Variants in EXOC6B observed in about 807,000 individuals in gnomAD.
EXOC6B encodes SEC15 homolog B.
A neutral mutation model predicts 113.5 loss-of-function variants in EXOC6B; 54 were observed. The ratio of observed to expected loss-of-function variants is 0.48; its 90% CI spans 0.38 to 0.60. EXOC6B has a LOEUF of 0.60. Ranked by LOEUF, EXOC6B falls within the 20% of genes least tolerant of loss-of-function variation. The pLI is 0.00. For synonymous variants in EXOC6B, 357 were observed against 339.0 expected (o/e 1.05, Z -0.58); for missense variants, 797 against 977.5 (o/e 0.82, Z 2.46).
intron 19 of EXOC6B, among the ~76,000 whole-genome samples, chr2:72,357,156 A>C (rs778176209): frequency 1.3e-5 from 2 of 152,236 alleles, no homozygotes; most frequent in Non-Finnish European, 2.9e-5. Flanking sequence ...ATGAAGGGTA[A>C]GTATAGTACA....
chr2:72,394,612 ACTC>A (rs1692606756), intron 18 of EXOC6B, among the ~76,000 whole-genome samples: 1 of 152,100 alleles, frequency 6.6e-6, no homozygotes, highest in Admixed American at 6.5e-5. Flanking sequence ...TCTTTCCTCA[ACTC>A]CTGTTCAGGT....
At chr2:72,471,315 T>G in intron 17 of EXOC6B, among the ~76,000 whole-genome samples, 1 of 152,056 alleles carries the variant, frequency 6.6e-6, no homozygotes, top group East Asian at 1.9e-4. Flanking sequence ...GATGGGGTTG[T>G]TTTTTTCTTG....
At chr2:72,800,752 A>T (rs1685230492) in intron 1 of EXOC6B, among the ~76,000 whole-genome samples, 1 of 152,204 alleles carries the variant, frequency 6.6e-6, no homozygotes, top group South Asian at 2.1e-4. Flanking sequence ...TTGGACTCTT[A>T]ACTACTACAC....
intron 19 of EXOC6B, among the ~76,000 whole-genome samples, chr2:72,360,043 C>A (rs572575246): frequency 6.6e-6 from 1 of 152,158 alleles, no homozygotes; most frequent in East Asian, 1.9e-4. Context: ...GCTTGCAGAA[C>A]CATGAGCCAA....
intron 1 of EXOC6B, among the ~76,000 whole-genome samples, chr2:72,789,066 G>A (rs1295478552): frequency 1.3e-5 from 2 of 152,150 alleles, no homozygotes; most frequent in Non-Finnish European, 2.9e-5. Context: ...TAAAAACACT[G>A]ATGTGGTGGA....
At chr2:72,601,276 G>A (rs530162663) in intron 6 of EXOC6B, among the ~76,000 whole-genome samples, 9 of 151,870 alleles carry the variant, frequency 5.9e-5, no homozygotes, top group South Asian at 2.1e-4. Flanking sequence ...TCCACCTCCC[G>A]GGTTCACACC....
At chr2:72,537,498 G>A (rs1702364120) in intron 8 of EXOC6B, among the ~76,000 whole-genome samples, 1 of 151,414 alleles carries the variant, frequency 6.6e-6, no homozygotes, top group African/African-American at 2.4e-5. Context: ...AGGCATGGTG[G>A]CACGTGCCTA....
chr2:72,772,944 T>G (rs1050019100), intron 1 of EXOC6B, among the ~76,000 whole-genome samples: 1 of 151,884 alleles, frequency 6.6e-6, no homozygotes, highest in Admixed American at 6.6e-5. Context: ...CCTAAAGAAA[T>G]GAAGATCTAC....
chr2:72,602,478 C>A (rs567298647), intron 6 of EXOC6B, among the ~76,000 whole-genome samples: 5 of 152,092 alleles, frequency 3.3e-5, no homozygotes, highest in African/African-American at 1.2e-4. Context: ...ATAGACCAAC[C>A]AAGTTGACAG....
At chr2:72,474,697 T>G (rs1573208338) in intron 17 of EXOC6B, among the ~76,000 whole-genome samples, 1 of 152,278 alleles carries the variant, frequency 6.6e-6, no homozygotes, top group East Asian at 1.9e-4. Context: ...TGCAGAATTC[T>G]CATGTTTCTC....
intron 9 of EXOC6B, 91 bp downstream of exon 9, chr2:72,514,952 C>G (rs1701138528): frequency 2.0e-6 from 2 of 997,670 alleles, no homozygotes; most frequent in Admixed American, 2.9e-5. Context: ...CACACACACA[C>G]AGACACACAC....
At chr2:72,292,211 G>A (rs1472210176) in intron 20 of EXOC6B, among the ~76,000 whole-genome samples, 2 of 136,776 alleles carry the variant, frequency 1.5e-5, no homozygotes, top group African/African-American at 5.8e-5. Flanking sequence ...GTGTGTGTGT[G>A]TACCTTATAA....
intron 5 of EXOC6B, among the ~76,000 whole-genome samples, chr2:72,724,215 T>C (rs1459914498): frequency 2.0e-5 from 3 of 151,188 alleles, no homozygotes; most frequent in African/African-American, 7.3e-5. Flanking sequence ...AGGGAGAGAG[T>C]GGGAGACCAG....
intron 6 of EXOC6B, among the ~76,000 whole-genome samples, chr2:72,631,194 A>G (rs1672368832): frequency 3.7e-5 from 1 of 27,272 alleles, no homozygotes; most frequent in African/African-American, 4.6e-5. Flanking sequence ...AAGTGTGCAT[A>G]TATATATATA....
intron 7 of EXOC6B, among the ~76,000 whole-genome samples, chr2:72,562,704 G>T (rs1265992886): frequency 6.6e-6 from 1 of 152,104 alleles, no homozygotes; most frequent in Non-Finnish European, 1.5e-5. Context: ...ATAACTTTGT[G>T]GTAGGACGTT....
rs1432867493 is a variant in EXOC6B at position 72,601,118 on chromosome 2, GTGTGTA to G, written c.670-25456_670-25451del. Among the ~76,000 whole-genome samples, 764 of 108,284 alleles carry G rather than the reference GTGTGTA, an allele frequency of 7.1e-3. 14 individuals carry two copies. The East Asian group carries it at 0.1, about 15-fold the overall frequency. 71.0% of individuals were successfully genotyped at this position (108,284 alleles called of 152,430 possible). On this transcript the variant is annotated intron_variant, in intron 6 of 21. Transcript: ENST00000272427. ...TATGGCTACATATATATATATGTGTGTGTGTATGTGTGTGTGTGTGTGTGTGTGTGT... is the reference window on the plus strand; with the variant it reads ...TATGGCTACATATATATATATGTGTGTGTGTGTGTGTGTGTGTGTGTGTGT...
chr2:72,662,560 T>C (rs1009097200), intron 6 of EXOC6B, among the ~76,000 whole-genome samples: 6 of 152,292 alleles, frequency 3.9e-5, no homozygotes, highest in Middle Eastern at 6.8e-3. Flanking sequence ...GATGAAAAGA[T>C]GCTCAAGATC....
chr2:72,818,412 C>T (rs924290706), intron 1 of EXOC6B, among the ~76,000 whole-genome samples: 2 of 151,028 alleles, frequency 1.3e-5, no homozygotes, highest in Non-Finnish European at 2.9e-5. Flanking sequence ...CCGCCCGCCT[C>T]GGCCTCCCAA....
intron 1 of EXOC6B, among the ~76,000 whole-genome samples, chr2:72,749,640 T>C (rs1681915842): frequency 6.6e-6 from 1 of 151,982 alleles, no homozygotes; most frequent in Non-Finnish European, 1.5e-5. Flanking sequence ...ATGCAAATAT[T>C]AAGAGACTGT....
Sources: gnomAD v4.1 joint callset for allele counts (sites outside exome capture counted in the v4.1 genomes callset) on GRCh38, gnomAD v4.1.1 for gene constraint, MANE v1.5 for transcripts, NCBI Gene and HGNC (gene_info 2026-07-23, HGNC 2026-07-21) for gene names.